THSD7A: variants seen among roughly 807,000 people sequenced by gnomAD.
The protein encoded by THSD7A is thrombospondin type-1 domain-containing protein 7A.
Under a neutral mutation model 231.3 loss-of-function variants are expected in THSD7A, and 96 were observed. The observed-to-expected ratio is 0.41, with a 90% CI of 0.35 to 0.49. The LOEUF (loss-of-function observed/expected upper bound fraction) is 0.49, where lower values mean the gene tolerates loss of function less well. THSD7A is among the 20% of genes least tolerant of loss of function. The probability of loss-of-function intolerance (pLI) is 0.05; values close to 1 mark genes in which losing one functional copy is unlikely to be tolerated. For missense variants in THSD7A, 2,290 were observed against 2,070.2 expected (o/e 1.11, Z -2.06); for synonymous variants, 940 against 743.3 (o/e 1.26, Z -4.30).
chr7:11,624,995 T>C (rs1173979487), intron 2 of THSD7A, among the ~76,000 whole-genome samples: 2 of 152,100 alleles, frequency 1.3e-5, no homozygotes, highest in Non-Finnish European at 2.9e-5. Context: ...AACCAAAATG[T>C]ATCAGTATAT....
chr7:11,667,397 C>T (rs1348577498), intron 1 of THSD7A, among the ~76,000 whole-genome samples: 1 of 152,144 alleles, frequency 6.6e-6, no homozygotes, highest in Non-Finnish European at 1.5e-5. Flanking sequence ...ATTGCCTCAA[C>T]CTACAACACG....
chr7:11,635,673 C>T (rs1781811150), intron 2 of THSD7A, among the ~76,000 whole-genome samples: 1 of 152,000 alleles, frequency 6.6e-6, no homozygotes, highest in South Asian at 2.1e-4. Context: ...GTATAGCTCC[C>T]TGGGTTGTTG....
In THSD7A at chr7:11,550,489, T is replaced by A. The variant is rs113276341; in HGVS notation, c.1454-7372A>T. ...GTGGATCATGGGGGCACTTCCCCCA[T>A]GCTATTCTCATGATAGTGAGTTCTC... On this transcript the variant is annotated intron_variant, in intron 4 of 27. Transcript: ENST00000423059. Among the ~76,000 whole-genome samples, 12 of 152,260 alleles carry A rather than the reference T, an allele frequency of 7.9e-5. 1 individual carries two copies. Among genetic ancestry groups the A allele is most frequent in the African/African-American group, 2.6e-4 (11 of 41,552 alleles).
At chr7:11,530,504 G>A (rs143220973) in intron 6 of THSD7A, among the ~76,000 whole-genome samples, 7 of 152,246 alleles carry the variant, frequency 4.6e-5, no homozygotes, top group East Asian at 1.9e-4. Flanking sequence ...AAATAATTAC[G>A]ACATGATACC....
intron 1 of THSD7A, among the ~76,000 whole-genome samples, chr7:11,750,407 C>T (rs781423457): frequency 3.3e-5 from 5 of 151,738 alleles, no homozygotes; most frequent in Non-Finnish European, 5.9e-5. Flanking sequence ...TGAAAGAATT[C>T]GTTCGAAAAA....
At position 11,446,300 on chromosome 7, in the gene THSD7A, C is replaced by T; in HGVS notation, c.2825G>A (p.Cys942Tyr). The change falls in exon 13 of 28, where the codon TGT (cysteine) becomes TAT (tyrosine). Residue 942 changes from cysteine (C) to tyrosine (Y), a missense_variant. Transcript: ENST00000423059. This position sits in a 1 kb window ranked among gnomAD's most constrained non-coding sequence, Gnocchi z 4.0. ...CAGGGGATACAAATGGGAATTTTTA[C>T]ATTTTTCCTTCTTTTTACTTTTTCC... is the stretch of plus-strand genomic sequence containing the variant. ...LVGKSKKKEK[C>Y]KNSHLYPLIE... 6.2e-7 allele frequency: 1 copy of T among 1,612,008 alleles called. No homozygotes were observed. The highest frequency in any genetic ancestry group is 1.1e-5 in the South Asian group (1 of 90,708).
chr7:11,811,631 A>G (rs1174672185), intron 1 of THSD7A, among the ~76,000 whole-genome samples: 4 of 152,160 alleles, frequency 2.6e-5, no homozygotes, highest in Non-Finnish European at 5.9e-5. Context: ...TCCAAAGCCT[A>G]TTTACTGTAA....
At chr7:11,465,383 C>T (rs1035709745) in intron 9 of THSD7A, among the ~76,000 whole-genome samples, 2 of 151,842 alleles carry the variant, frequency 1.3e-5, no homozygotes, top group African/African-American at 4.8e-5. Flanking sequence ...CTTAAAAATG[C>T]CTATCCAGGA....
intron 11 of THSD7A, among the ~76,000 whole-genome samples, chr7:11,455,803 G>T (rs1785288971): frequency 2.6e-5 from 4 of 151,960 alleles, no homozygotes; most frequent in Admixed American, 2.6e-4. Context: ...GAATGTCAGT[G>T]CTGAGATCAT....
In THSD7A at chr7:11,480,972, A is replaced by G. The variant is rs117672990; in HGVS notation, c.2017+816T>C. On this transcript the variant is annotated intron_variant, in intron 7 of 27. Transcript: ENST00000423059. ...TAATGTTTAAATAACATACACTTAT[A>G]TTCTTGAGAAAGAACATGCCTTAAT... 1.7e-4 allele frequency among the ~76,000 whole-genome samples: 26 copies of G among 152,324 alleles called. No homozygotes were observed. In the East Asian group the frequency reaches 5.0e-3, roughly 29 times the overall value.
chr7:11,656,836 G>A (rs534192599), intron 1 of THSD7A, among the ~76,000 whole-genome samples: 1 of 151,938 alleles, frequency 6.6e-6, no homozygotes, highest in Non-Finnish European at 1.5e-5. Flanking sequence ...TTTCTTTCAT[G>A]TATGTTATTG....
intron 4 of THSD7A, among the ~76,000 whole-genome samples, chr7:11,545,215 G>C (rs1000377545): frequency 6.6e-6 from 1 of 151,970 alleles, no homozygotes; most frequent in Admixed American, 6.6e-5. Flanking sequence ...GAGAGGTTTT[G>C]GGTAGAAGAC....
chr7:11,430,825 G>A (rs1583726512), intron 13 of THSD7A, among the ~76,000 whole-genome samples: 1 of 152,144 alleles, frequency 6.6e-6, no homozygotes, highest in African/African-American at 2.4e-5. Context: ...GCATGTATCA[G>A]TTCTTCAGTC....
chr7:11,723,160 G>C (rs1781418956), intron 1 of THSD7A, among the ~76,000 whole-genome samples: 1 of 151,948 alleles, frequency 6.6e-6, no homozygotes, highest in Non-Finnish European at 1.5e-5. Flanking sequence ...AAAATGATGA[G>C]TTCATGCCCT....
chr7:11,437,546 A>T (rs973024317), intron 13 of THSD7A, among the ~76,000 whole-genome samples: 1 of 152,062 alleles, frequency 6.6e-6, no homozygotes, highest in Non-Finnish European at 1.5e-5. Context: ...CAAAAGCAAT[A>T]CTCGCTCTAC....
intron 1 of THSD7A, among the ~76,000 whole-genome samples, chr7:11,776,909 A>T (rs1382383172): frequency 6.6e-6 from 1 of 152,164 alleles, no homozygotes; most frequent in East Asian, 1.9e-4. Context: ...ATCAGTGGAA[A>T]CTGCTATTAG....
intron 9 of THSD7A, among the ~76,000 whole-genome samples, chr7:11,466,605 C>G (rs769449354): frequency 1.3e-5 from 2 of 152,018 alleles, no homozygotes; most frequent in Non-Finnish European, 2.9e-5. Context: ...ATCGGAGTGC[C>G]TAGGTTTAGG....
At chr7:11,639,622 G>T (rs2526111) in intron 1 of THSD7A, among the ~76,000 whole-genome samples, 8 of 151,804 alleles carry the variant, frequency 5.3e-5, no homozygotes, top group South Asian at 2.1e-4. Context: ...GAGCCGAGAT[G>T]GCACCACTGC....
chr7:11,673,747 C>A (rs1257155679), intron 1 of THSD7A, among the ~76,000 whole-genome samples: 1 of 152,140 alleles, frequency 6.6e-6, no homozygotes, highest in African/African-American at 2.4e-5. Flanking sequence ...ATAGTCAAGG[C>A]TTCTCCTCCA....
Sources: allele counts gnomAD v4.1 joint callset (sites outside exome capture counted in the v4.1 genomes callset), GRCh38; gene constraint gnomAD v4.1.1; non-coding constraint Gnocchi (gnomAD v3.1); transcripts MANE v1.5; gene names NCBI Gene and HGNC (gene_info 2026-07-23, HGNC 2026-07-21).